The following PGGT1B variants were observed in gnomAD, a reference collection of about 807,000 sequenced individuals.
PGGT1B encodes the protein geranylgeranyl transferase type-1 subunit beta.
PGGT1B carries 30 observed loss-of-function variants against 46.1 expected under a neutral mutation model. The observed-to-expected ratio is 0.65, with a 90% CI of 0.49 to 0.88. PGGT1B has a LOEUF of 0.88. Among genes scored for constraint, PGGT1B ranks in the 40% least tolerant of loss-of-function variants. The pLI, the probability that PGGT1B is intolerant of heterozygous loss-of-function variation, is 0.00. For missense variants in PGGT1B, 376 were observed against 455.9 expected (o/e 0.82, Z 1.60); for synonymous variants, 170 against 160.0 (o/e 1.06, Z -0.47).
chr5:115,258,547 A>G (rs1748421414), intron 1 of PGGT1B, among the ~76,000 whole-genome samples: 2 of 152,138 alleles, frequency 1.3e-5, no homozygotes, highest in African/African-American at 2.4e-5. Flanking sequence ...ATCCCTTTAC[A>G]TTTTGAACCA....
chr5:115,247,096 T>C (rs1251434957), intron 2 of PGGT1B, among the ~76,000 whole-genome samples: 6 of 152,216 alleles, frequency 3.9e-5, no homozygotes, highest in Non-Finnish European at 5.9e-5. Flanking sequence ...AAGCTGACTC[T>C]TGCCTGATGA....
intron 1 of PGGT1B, 53 bp from the exon 2 acceptor site, chr5:115,253,308 G>C: frequency 3.6e-6 from 5 of 1,371,946 alleles, no homozygotes; most frequent in Non-Finnish European, 4.0e-6. Context: ...ACTTAAGTCT[G>C]AAGTCTTCCT....
chr5:115,262,523 C>G (rs1748606434), intron 1 of PGGT1B, 189 bp downstream of exon 1: 2 of 635,866 alleles, frequency 3.1e-6, no homozygotes, highest in Non-Finnish European at 5.5e-6. Context: ...CCTCGACCTA[C>G]AGCCTTCCAG....
At chr5:115,213,437 T>A (rs779528777) in intron 8 of PGGT1B, among the ~76,000 whole-genome samples, 5 of 152,176 alleles carry the variant, frequency 3.3e-5, no homozygotes, top group Non-Finnish European at 5.9e-5. Flanking sequence ...TTTTTTTCTA[T>A]TTTTGAATTG....
At chr5:115,248,884 A>T (rs926118618) in intron 2 of PGGT1B, among the ~76,000 whole-genome samples, 1 of 152,310 alleles carries the variant, frequency 6.6e-6, no homozygotes, top group Middle Eastern at 3.4e-3. Flanking sequence ...TGTATTTGGC[A>T]GTGCTTTGAA....
chr5:115,210,148 T>C lies in PGGT1B; in HGVS notation c.*2254A>G, dbSNP rs954237368. The C allele has an allele frequency of 5.3e-5, 8 of 152,028 alleles. No homozygotes were observed. The highest frequency in any genetic ancestry group is 1.7e-4 in the African/African-American group (7 of 41,396). The allele number at this position is 152,028 out of a possible 1,614,324, so 9.4% of individuals were successfully genotyped here. ...AGGCCATATGATCTGATTAATCTCA[T>C]TTGTACACAGATGCTCAAAATAAAG... On this transcript the variant is annotated 3_prime_UTR_variant, in exon 9 of 9. Transcript: ENST00000419445.
chr5:115,253,042 T>C, intron 2 of PGGT1B, 95 bp downstream of exon 2: 2 of 1,026,192 alleles, frequency 1.9e-6, no homozygotes, highest in Non-Finnish European at 2.9e-6. Flanking sequence ...TAAAATATGT[T>C]AACAGTATAC....
chr5:115,248,056 G>A (rs941996707), intron 2 of PGGT1B, among the ~76,000 whole-genome samples: 2 of 152,198 alleles, frequency 1.3e-5, no homozygotes, highest in South Asian at 2.1e-4. Flanking sequence ...TTTAAAAAGT[G>A]AGCCATCTGA....
Position 115,241,613 on chromosome 5 carries a change from A to G in PGGT1B, c.260-7T>C, listed in dbSNP as rs764410305. 2.3e-5 allele frequency: 37 copies of G among 1,601,548 alleles called. 1 individual carries two copies. Among genetic ancestry groups the G allele is most frequent in the East Asian group, 9.0e-5 (4 of 44,508 alleles). ...CAGCGATTTAGATTTGATCCTAGAAAATAAAAGCATGTGCTTATTTAAAGT... is the reference window on the plus strand; with the variant it reads ...CAGCGATTTAGATTTGATCCTAGAAGATAAAAGCATGTGCTTATTTAAAGT... On this transcript the variant is annotated splice_polypyrimidine_tract_variant and splice_region_variant and intron_variant, in intron 2 of 8. Transcript: ENST00000419445.
Position 115,245,553 on chromosome 5 carries a change from G to C in PGGT1B, c.260-3947C>G, listed in dbSNP as rs553156420. ...GCAAGTAATATACTTCAGGCTTCTTGTAAAGGTTAAAGGACATGTTTAGAT... is the reference window on the plus strand; with the variant it reads ...GCAAGTAATATACTTCAGGCTTCTTCTAAAGGTTAAAGGACATGTTTAGAT... On this transcript the variant is annotated intron_variant, in intron 2 of 8. Coordinates refer to ENST00000419445, the MANE Select transcript of PGGT1B (RefSeq NM_005023.4). Among the ~76,000 whole-genome samples, 149 of 152,232 alleles carry C rather than the reference G, an allele frequency of 9.8e-4. 2 individuals are homozygous for C. Among genetic ancestry groups the C allele is most frequent in the Non-Finnish European group, 1.9e-3 (130 of 68,002 alleles).
intron 1 of PGGT1B, among the ~76,000 whole-genome samples, chr5:115,261,567 G>C (rs1431062033): frequency 6.6e-6 from 1 of 152,170 alleles, no homozygotes; most frequent in African/African-American, 2.4e-5. Context: ...ATAGCCAAAT[G>C]TGGCTAGTGG....
chr5:115,238,282 T>C (rs1259571577), intron 3 of PGGT1B, among the ~76,000 whole-genome samples: 2 of 144,992 alleles, frequency 1.4e-5, no homozygotes, highest in Non-Finnish European at 3.0e-5. Context: ...GTATTACTTA[T>C]TTTTTTGGAT....
intron 7 of PGGT1B, among the ~76,000 whole-genome samples, chr5:115,217,730 G>C (rs556956948): frequency 1.7e-4 from 26 of 151,852 alleles, no homozygotes; most frequent in Non-Finnish European, 3.1e-4. Flanking sequence ...AAAAAGAAAA[G>C]CTAAACTCAT....
chr5:115,238,138 T>G (rs1356020348), intron 3 of PGGT1B, 129 bp from the exon 4 acceptor site: 2 of 529,076 alleles, frequency 3.8e-6, no homozygotes, highest in African/African-American at 3.9e-5. Context: ...TATAGACATC[T>G]TATTGAGAAA....
At position 115,208,559 on chromosome 5, in the gene PGGT1B, C is replaced by A. The variant is rs1433590243; in HGVS notation, c.*3843G>T. The A allele has an allele frequency of 6.6e-6, 1 of 151,942 alleles. No homozygotes were observed. Among genetic ancestry groups the A allele is most frequent in the Non-Finnish European group, 1.5e-5 (1 of 67,898 alleles). 9.4% of individuals were successfully genotyped at this position (151,942 alleles called of 1,614,324 possible). A position where few individuals can be genotyped will look rare whatever the true frequency, so the allele number is the denominator to read the frequency against. The stretch of plus-strand genomic sequence containing the variant: ...CAATTTAAACAAATTTCCTGTTTTA[C>A]TATTTCCCCCTTGTCATTTAAATTT... On this transcript the variant is annotated 3_prime_UTR_variant, in exon 9 of 9. Transcript: ENST00000419445.
At chr5:115,244,759 T>C (rs1411577642) in intron 2 of PGGT1B, among the ~76,000 whole-genome samples, 1 of 151,528 alleles carries the variant, frequency 6.6e-6, no homozygotes, top group African/African-American at 2.4e-5. Flanking sequence ...CCCAGCTAAT[T>C]TTTGTATTTT....
chr5:115,238,349 G>A (rs1338479800), intron 3 of PGGT1B, among the ~76,000 whole-genome samples: 2 of 119,558 alleles, frequency 1.7e-5, no homozygotes, highest in African/African-American at 3.4e-5. Flanking sequence ...TGTCACCCAG[G>A]CTGGACTGTA....
intron 1 of PGGT1B, among the ~76,000 whole-genome samples, chr5:115,258,323 A>G (rs1315170682): frequency 6.6e-6 from 1 of 152,130 alleles, no homozygotes; most frequent in Non-Finnish European, 1.5e-5. Flanking sequence ...CCTCTTTTCT[A>G]GCCCTACTTC....
chr5:115,226,135 T>C (rs559781251), intron 6 of PGGT1B, among the ~76,000 whole-genome samples: 1 of 151,996 alleles, frequency 6.6e-6, no homozygotes, highest in African/African-American at 2.4e-5. Flanking sequence ...AGCAGGAAAA[T>C]TCAATTCTTC....
Sources: gnomAD v4.1 joint callset for allele counts (sites outside exome capture counted in the v4.1 genomes callset) on GRCh38, gnomAD v4.1.1 for gene constraint, MANE v1.5 for transcripts, NCBI Gene and HGNC (gene_info 2026-07-23, HGNC 2026-07-21) for gene names.